Variants in PRKN observed in about 807,000 individuals in gnomAD.
PRKN encodes E3 ubiquitin-protein ligase parkin.
In PRKN, 56 loss-of-function variants were observed where a neutral mutation model predicts 59.5. The observed-to-expected ratio is 0.94, with a 90% CI of 0.76 to 1.18. The LOEUF (loss-of-function observed/expected upper bound fraction) is 1.18, where lower values mean the gene tolerates loss of function less well. Ranked by LOEUF, PRKN falls within the 50% of genes most tolerant of loss-of-function variation. The probability of loss-of-function intolerance (pLI) is 0.00; values close to 1 mark genes in which losing one functional copy is unlikely to be tolerated. For missense variants in PRKN, 657 were observed against 596.4 expected (o/e 1.10, Z -1.06); for synonymous variants, 250 against 222.1 (o/e 1.13, Z -1.12).
intron 6 of PRKN, among the ~76,000 whole-genome samples, chr6:161,965,406 C>T (rs368129089): frequency 2.6e-5 from 4 of 152,082 alleles, no homozygotes; most frequent in African/African-American, 9.7e-5. Context: ...GGTTAATTTC[C>T]GACTAAGCAA....
intron 3 of PRKN, among the ~76,000 whole-genome samples, chr6:162,207,824 T>A (rs914165568): frequency 2.0e-5 from 3 of 152,174 alleles, no homozygotes; most frequent in Non-Finnish European, 4.4e-5. Context: ...CTGAACTCAA[T>A]AAACACTCAA....
In PRKN at chr6:161,497,447, T is replaced by C. The variant is rs1777794045; in HGVS notation, c.1083+51407A>G. Among the ~76,000 whole-genome samples the C allele has an allele frequency of 6.6e-6, 1 of 152,110 alleles. No individual in the cohort carries two copies. The highest frequency in any genetic ancestry group is 1.5e-5 in the Non-Finnish European group (1 of 68,030). On this transcript the variant is annotated intron_variant, in intron 9 of 11. Coordinates refer to ENST00000366898, the MANE Select transcript of PRKN (RefSeq NM_004562.3). This position sits in a 1 kb window ranked among gnomAD's most constrained non-coding sequence, Gnocchi z 4.6. The stretch of plus-strand genomic sequence containing the variant: ...CCTCTGTCTTGAACTGGGAATAAAT[T>C]AGGAGAGATAAGAGACAGATATTAC...
rs1050337861 is a variant in PRKN at position 161,385,590 on chromosome 6, T to A, written c.1167+1204A>T. On this transcript the variant is annotated intron_variant, in intron 10 of 11. Coordinates refer to ENST00000366898, the MANE Select transcript of PRKN (RefSeq NM_004562.3). The surrounding 1 kb of genome is among the most constrained non-coding windows in gnomAD (Gnocchi z 4.9). Reference sequence around the variant, plus strand: ...ACTGTTTCCAAATAAATACTGTAGATGCCAGAGTATCACTTTGTGGAAGCC... The same window carrying A: ...ACTGTTTCCAAATAAATACTGTAGAAGCCAGAGTATCACTTTGTGGAAGCC... Among the ~76,000 whole-genome samples, 1 of 152,224 alleles carries A rather than the reference T, an allele frequency of 6.6e-6. No individual in the cohort carries two copies. The highest frequency in any genetic ancestry group is 6.5e-5 in the Admixed American group (1 of 15,284).
intron 3 of PRKN, among the ~76,000 whole-genome samples, chr6:162,203,504 T>C (rs768925924): frequency 2.0e-5 from 3 of 152,212 alleles, no homozygotes; most frequent in Non-Finnish European, 4.4e-5. Context: ...CCTATTTATT[T>C]AGCTACATAA....
intron 10 of PRKN, among the ~76,000 whole-genome samples, chr6:161,364,320 G>A (rs1205404631): frequency 8.1e-5 from 12 of 147,600 alleles, no homozygotes; most frequent in Admixed American, 1.3e-4. Flanking sequence ...TTAGCTGGGC[G>A]CGGTGGTGGG....
At chr6:162,133,143 G>A (rs1781438065) in intron 4 of PRKN, among the ~76,000 whole-genome samples, 1 of 152,196 alleles carries the variant, frequency 6.6e-6, no homozygotes, top group African/African-American at 2.4e-5. Context: ...TGGCTGCTGT[G>A]TGAGAATCAG....
intron 1 of PRKN, among the ~76,000 whole-genome samples, chr6:162,528,927 G>A (rs976769249): frequency 2.0e-5 from 3 of 152,112 alleles, no homozygotes; most frequent in Non-Finnish European, 4.4e-5. Context: ...GCCCAGGCTG[G>A]AGTGCAGTGG....
At chr6:161,964,838 A>C (rs1224059761) in intron 6 of PRKN, among the ~76,000 whole-genome samples, 1 of 152,060 alleles carries the variant, frequency 6.6e-6, no homozygotes, top group Non-Finnish European at 1.5e-5. Flanking sequence ...TCTGATCCCT[A>C]AATTTTAAGA....
chr6:162,443,279 A>G, intron 2 of PRKN, 31 bp downstream of exon 2: 2 of 1,610,312 alleles, frequency 1.2e-6, no homozygotes, highest in South Asian at 2.2e-5. Context: ...AGCTGGCGGC[A>G]TCCCAAGAAC....
chr6:162,407,679 G>A (rs1184541362), intron 2 of PRKN, among the ~76,000 whole-genome samples: 2 of 152,112 alleles, frequency 1.3e-5, no homozygotes, highest in African/African-American at 2.4e-5. Context: ...AAATGTGAAT[G>A]AAGGGCTAAT....
chr6:162,142,860 A>G (rs6916532), intron 4 of PRKN, among the ~76,000 whole-genome samples: 2,055 of 152,338 alleles, frequency 0.013, 56 homozygotes, highest in African/African-American at 0.047. Flanking sequence ...CAGGTAAATA[A>G]TAATGATAAA....
chr6:162,190,349 C>T (rs956760050), intron 4 of PRKN, among the ~76,000 whole-genome samples: 2 of 152,102 alleles, frequency 1.3e-5, no homozygotes, highest in African/African-American at 4.8e-5. Flanking sequence ...AATCTTAATC[C>T]CCACTTTAGA....
intron 7 of PRKN, among the ~76,000 whole-genome samples, chr6:161,680,118 C>T (rs1025405745): frequency 6.6e-6 from 1 of 152,090 alleles, no homozygotes; most frequent in Non-Finnish European, 1.5e-5. Flanking sequence ...GGCAAAGACA[C>T]TAGGATTCAT....
At chr6:161,506,301 G>T (rs1000457928) in intron 9 of PRKN, among the ~76,000 whole-genome samples, 1 of 152,140 alleles carries the variant, frequency 6.6e-6, no homozygotes, top group African/African-American at 2.4e-5. Flanking sequence ...GTGAATGGGA[G>T]TTCACTCATG....
intron 2 of PRKN, among the ~76,000 whole-genome samples, chr6:162,370,772 C>A (rs1048743380): frequency 2.4e-4 from 36 of 152,240 alleles, no homozygotes; most frequent in African/African-American, 8.4e-4. Context: ...ACTAGTATGT[C>A]CTGGCATATG....
Position 161,461,911 on chromosome 6 carries a change from G to T in PRKN, c.1084-75034C>A, listed in dbSNP as rs1025973860. ...AATACACGAGAAGGTCTGAGGGAGG[G>T]CTTGGCTTGAAGAGAGGACCAAGGA... On this transcript the variant is annotated intron_variant, in intron 9 of 11. Transcript: ENST00000366898. This position sits in a 1 kb window ranked among gnomAD's most constrained non-coding sequence, Gnocchi z 5.1. Among the ~76,000 whole-genome samples the T allele has an allele frequency of 6.6e-6, 1 of 152,116 alleles. No individual in the cohort carries two copies. Among genetic ancestry groups the T allele is most frequent in the African/African-American group, 2.4e-5 (1 of 41,418 alleles).
In PRKN at chr6:161,882,872, G is replaced by A. The variant is rs149406867; in HGVS notation, c.734+90430C>T. 3.2e-3 allele frequency among the ~76,000 whole-genome samples: 486 copies of A among 151,968 alleles called. 6 individuals carry two copies. The highest frequency in any genetic ancestry group is 0.011 in the African/African-American group (459 of 41,444). On this transcript the variant is annotated intron_variant, in intron 6 of 11. Transcript: ENST00000366898. The stretch of plus-strand genomic sequence containing the variant: ...ATACAAAAATTAGCTGGGTGTGGTG[G>A]CGGGTGCTTGTAATCCTAGCTACTC...
At chr6:162,164,436 T>C (rs1055863291) in intron 4 of PRKN, among the ~76,000 whole-genome samples, 5 of 148,608 alleles carry the variant, frequency 3.4e-5, no homozygotes, top group Non-Finnish European at 7.4e-5. Context: ...GGTCTCGAAC[T>C]GCCGACCTCA....
At chr6:162,439,722 G>C (rs1789961584) in intron 2 of PRKN, among the ~76,000 whole-genome samples, 1 of 152,060 alleles carries the variant, frequency 6.6e-6, no homozygotes, top group African/African-American at 2.4e-5. Flanking sequence ...TGAAGACAAA[G>C]ACAATGAAAA....
Sources: gnomAD v4.1 joint callset for allele counts (sites outside exome capture counted in the v4.1 genomes callset) on GRCh38, gnomAD v4.1.1 for gene constraint, Gnocchi (gnomAD v3.1) non-coding constraint, MANE v1.5 for transcripts, NCBI Gene and HGNC (gene_info 2026-07-23, HGNC 2026-07-21) for gene names.